NPSR1: variants seen among roughly 807,000 people sequenced by gnomAD.
NPSR1 encodes neuropeptide S receptor.
A neutral mutation model predicts 46.9 loss-of-function variants in NPSR1; 48 were observed. The observed-to-expected ratio is 1.02, with a 90% CI of 0.81 to 1.30. NPSR1 has a LOEUF of 1.30. Among genes scored for constraint, NPSR1 ranks in the 50% most tolerant of loss-of-function variants. The pLI is 0.00. For missense variants in NPSR1, 450 were observed against 449.5 expected (o/e 1.00, Z -0.01); for synonymous variants, 176 against 168.1 (o/e 1.05, Z -0.36).
intron 4 of NPSR1, among the ~76,000 whole-genome samples, chr7:34,821,054 G>A (rs1789531243): frequency 6.6e-6 from 1 of 151,924 alleles, no homozygotes; most frequent in Non-Finnish European, 1.5e-5. Context: ...CTTGGCTGAG[G>A]AGGAAATCCA....
chr7:34,778,571 T>C lies in NPSR1; in HGVS notation c.384+6T>C, dbSNP rs1787086264. 2 of 1,571,500 alleles carry C rather than the reference T, an allele frequency of 1.3e-6. No homozygotes were observed. The highest frequency in any genetic ancestry group is 1.4e-5 in the African/African-American group (1 of 73,906). ...GAGTGGTCCGCTATTTGCAGGTATG[T>C]CACACCTTCCAAATGTGATGAGACA... On this transcript the variant is annotated splice_donor_region_variant and intron_variant, in intron 3 of 8. Coordinates refer to ENST00000360581, the MANE Select transcript of NPSR1 (RefSeq NM_207172.2).
chr7:34,747,014 A>C (rs1170907628), intron 2 of NPSR1, among the ~76,000 whole-genome samples: 31 of 151,720 alleles, frequency 2.0e-4, no homozygotes, highest in Admixed American at 2.0e-3. Context: ...AGTCCTAGCT[A>C]CTCAGGAGAC....
chr7:34,702,561 C>T (rs760929239), intron 2 of NPSR1, among the ~76,000 whole-genome samples: 2 of 152,190 alleles, frequency 1.3e-5, no homozygotes, highest in Non-Finnish European at 2.9e-5. Flanking sequence ...CAGAGTGCTA[C>T]GCTCTCTTCT....
At chr7:34,856,195 C>A in intron 8 of NPSR1, among the ~76,000 whole-genome samples, 1 of 148,254 alleles carries the variant, frequency 6.7e-6, no homozygotes, top group South Asian at 2.1e-4. Context: ...TATATGGATT[C>A]ATAATAAATA....
intron 2 of NPSR1, among the ~76,000 whole-genome samples, chr7:34,764,739 T>A (rs956394868): frequency 1.3e-5 from 2 of 152,152 alleles, no homozygotes; most frequent in African/African-American, 4.8e-5. Flanking sequence ...ACCAATACCA[T>A]TGGAAGTCTC....
At chr7:34,702,595 T>C (rs1793886314) in intron 2 of NPSR1, among the ~76,000 whole-genome samples, 1 of 152,248 alleles carries the variant, frequency 6.6e-6, no homozygotes, top group Non-Finnish European at 1.5e-5. Flanking sequence ...CTTGGCAGAC[T>C]GCACTTTTCA....
At chr7:34,744,462 A>C (rs2128720601) in intron 2 of NPSR1, among the ~76,000 whole-genome samples, 1 of 152,320 alleles carries the variant, frequency 6.6e-6, no homozygotes, top group East Asian at 1.9e-4. Context: ...AGCAGAGGAA[A>C]TGGGAAGGAC....
intron 2 of NPSR1, among the ~76,000 whole-genome samples, chr7:34,709,033 T>C (rs1794251933): frequency 6.6e-6 from 1 of 152,204 alleles, no homozygotes; most frequent in Admixed American, 6.5e-5. Context: ...GATCTTCCTT[T>C]TGAATTCCAC....
At chr7:34,679,483 A>G (rs1316707305) in intron 1 of NPSR1, among the ~76,000 whole-genome samples, 1 of 144,724 alleles carries the variant, frequency 6.9e-6, no homozygotes, top group Non-Finnish European at 1.5e-5. Flanking sequence ...AAAGAACAGT[A>G]AGCCCTCACT....
chr7:34,716,022 G>C (rs1230246812), intron 2 of NPSR1, among the ~76,000 whole-genome samples: 1 of 152,182 alleles, frequency 6.6e-6, no homozygotes, highest in African/African-American at 2.4e-5. Flanking sequence ...AAACCTTGGG[G>C]AAAGAGTGGA....
intron 2 of NPSR1, among the ~76,000 whole-genome samples, chr7:34,691,546 G>A (rs2128689855): frequency 6.6e-6 from 1 of 152,158 alleles, no homozygotes; most frequent in Non-Finnish European, 1.5e-5. Context: ...GGGAAAAAAA[G>A]CAAGCAGGAG....
chr7:34,753,445 C>T (rs10277125), intron 2 of NPSR1: 21,928 of 152,240 alleles, frequency 0.14, 2,071 homozygotes, highest in East Asian at 0.33. Context: ...TGGTGCACGC[C>T]TGTAGTCCCA....
chr7:34,856,653 T>C lies in NPSR1; in HGVS notation c.1025+7990T>C, dbSNP rs1181361565. 2.0e-5 allele frequency among the ~76,000 whole-genome samples: 3 copies of C among 151,802 alleles called. No individual in the cohort carries two copies. The East Asian group carries it at 5.8e-4, about 29-fold the overall frequency. ...AAACAATGGTCCAGGACAGAGTCTG[T>C]TGGACTCACAGAGCAGACTTTTGTT... On this transcript the variant is annotated intron_variant, in intron 8 of 8. Transcript: ENST00000359791.
chr7:34,795,673 T>C (rs1788140125), intron 3 of NPSR1, among the ~76,000 whole-genome samples: 1 of 152,026 alleles, frequency 6.6e-6, no homozygotes. Context: ...CACCTGAAAA[T>C]GAAATAATTA....
chr7:34,758,412 A>C (rs2128727827), intron 2 of NPSR1: 1 of 152,370 alleles, frequency 6.6e-6, no homozygotes, highest in African/African-American at 2.4e-5. Flanking sequence ...CTGAACAAGA[A>C]GAAACTTGCT....
chr7:34,852,167 G>A (rs565625065), downstream of NPSR1, among the ~76,000 whole-genome samples: 2 of 152,246 alleles, frequency 1.3e-5, no homozygotes, highest in Admixed American at 1.3e-4. Flanking sequence ...AGGCATGGTG[G>A]CTGGCGCCTG....
At chr7:34,691,178 T>C (rs1793231328) in intron 2 of NPSR1, among the ~76,000 whole-genome samples, 2 of 152,132 alleles carry the variant, frequency 1.3e-5, no homozygotes, top group East Asian at 3.9e-4. Flanking sequence ...AAATAAATGC[T>C]AAGGGAATTT....
At chr7:34,861,304 T>G (rs958470175) in intron 8 of NPSR1, among the ~76,000 whole-genome samples, 3 of 151,886 alleles carry the variant, frequency 2.0e-5, no homozygotes, top group African/African-American at 7.3e-5. Flanking sequence ...CCCCATGCAC[T>G]TGAGCAGTTC....
chr7:34,827,989 A>G (rs554524651), intron 5 of NPSR1, among the ~76,000 whole-genome samples: 8 of 152,340 alleles, frequency 5.3e-5, no homozygotes, highest in South Asian at 4.1e-4. Flanking sequence ...CTGAAATCAT[A>G]CCATATTATT....
Sources: allele counts gnomAD v4.1 joint callset (sites outside exome capture counted in the v4.1 genomes callset), GRCh38; gene constraint gnomAD v4.1.1; transcripts MANE v1.5; gene names NCBI Gene and HGNC (gene_info 2026-07-23, HGNC 2026-07-21).